The following SLC5A4 variants were observed in gnomAD, a reference collection of about 807,000 sequenced individuals.
SLC5A4 encodes probable glucose sensor protein SLC5A4.
A neutral mutation model predicts 70.3 loss-of-function variants in SLC5A4; 55 were observed. The ratio of observed to expected loss-of-function variants is 0.78; its 90% CI spans 0.63 to 0.98. SLC5A4 has a LOEUF of 0.98. Ranked by LOEUF, SLC5A4 falls within the 50% of genes least tolerant of loss-of-function variation. The pLI is 0.00. For missense variants in SLC5A4, 735 were observed against 839.2 expected (o/e 0.88, Z 1.53); for synonymous variants, 268 against 305.7 (o/e 0.88, Z 1.29).
At chr22:32,265,043 T>A in the SLC5A4 span, among the ~76,000 whole-genome samples, 3 of 152,242 alleles carry the variant, frequency 2.0e-5, no homozygotes, top group Non-Finnish European at 4.4e-5. Flanking sequence ...ATATTTCCAC[T>A]TATTGATGTA....
the SLC5A4 span, among the ~76,000 whole-genome samples, chr22:32,329,512 T>G: frequency 8.6e-6 from 1 of 115,726 alleles, no homozygotes; most frequent in Non-Finnish European, 1.8e-5. Flanking sequence ...GCAGTGGGGG[T>G]GTGTGTGTGT....
At chr22:32,242,936 G>A (rs1185731679) in intron 5 of SLC5A4, among the ~76,000 whole-genome samples, 2 of 152,150 alleles carry the variant, frequency 1.3e-5, no homozygotes, top group East Asian at 1.9e-4. Flanking sequence ...AACCATTTAT[G>A]AATGCTAAAT....
the SLC5A4 span, among the ~76,000 whole-genome samples, chr22:32,313,119 A>G: frequency 6.6e-6 from 1 of 152,238 alleles, no homozygotes; most frequent in Non-Finnish European, 1.5e-5. Context: ...TGGATAACTT[A>G]CATAGAAAAT....
the SLC5A4 span, among the ~76,000 whole-genome samples, chr22:32,316,013 A>G: frequency 2.0e-5 from 3 of 151,938 alleles, no homozygotes; most frequent in East Asian, 5.8e-4. Flanking sequence ...CTAAAAATAC[A>G]AATAAATTAG....
At chr22:32,303,530 C>T in the SLC5A4 span, among the ~76,000 whole-genome samples, 1 of 152,156 alleles carries the variant, frequency 6.6e-6, no homozygotes. Flanking sequence ...TTCTGTCTGT[C>T]CTTTGTGCAC....
the SLC5A4 span, among the ~76,000 whole-genome samples, chr22:32,306,660 CCTGCCG>C: frequency 6.6e-6 from 1 of 152,146 alleles, no homozygotes; most frequent in African/African-American, 2.4e-5. Context: ...TCCCCCAACC[CCTGCCG>C]CTGTATGCCC....
chr22:32,240,494 CTTAGAA>C (rs1397886695), intron 5 of SLC5A4, among the ~76,000 whole-genome samples: 1 of 151,846 alleles, frequency 6.6e-6, no homozygotes, highest in Non-Finnish European at 1.5e-5. Flanking sequence ...TGTATATGTT[CTTAGAA>C]TTAGTATTCT....
the SLC5A4 span, chr22:32,272,850 G>A: frequency 2.0e-6 from 1 of 512,808 alleles, no homozygotes; most frequent in Non-Finnish European, 3.8e-6. Flanking sequence ...TGCCCATGCA[G>A]GAGAAAACCT....
the SLC5A4 span, chr22:32,268,632 G>A: frequency 6.6e-6 from 1 of 152,208 alleles, no homozygotes; most frequent in Admixed American, 6.5e-5. Flanking sequence ...TGAGAAAGTA[G>A]CCATTCAAAA....
the SLC5A4 span, among the ~76,000 whole-genome samples, chr22:32,311,683 C>A: frequency 8.5e-5 from 13 of 152,142 alleles, no homozygotes; most frequent in East Asian, 2.3e-3. Context: ...TCCCCAGGGG[C>A]AGAGATGAGG....
chr22:32,331,523 C>T, the SLC5A4 span, among the ~76,000 whole-genome samples: 44 of 152,260 alleles, frequency 2.9e-4, 1 homozygote, highest in East Asian at 8.3e-3. Context: ...AATAATGACA[C>T]ACGGAAACTT....
chr22:32,302,995 G>A, the SLC5A4 span, among the ~76,000 whole-genome samples: 17 of 151,770 alleles, frequency 1.1e-4, no homozygotes, highest in East Asian at 2.3e-3. Context: ...CTTCAGCAGT[G>A]TTTTCTCTTT....
chr22:32,231,482 C>T (rs1645389875), intron 9 of SLC5A4, among the ~76,000 whole-genome samples: 1 of 152,244 alleles, frequency 6.6e-6, no homozygotes, highest in Admixed American at 6.5e-5. Flanking sequence ...TCACCTGCAT[C>T]TAAGAAGAGG....
the SLC5A4 span, among the ~76,000 whole-genome samples, chr22:32,292,129 G>GATATT: frequency 0.19 from 13,061 of 70,252 alleles, 2,182 homozygotes; most frequent in East Asian, 0.39. Context: ...ACATATACTA[G>GATATT]ATATTATATA....
At chr22:32,277,794 C>T in the SLC5A4 span, among the ~76,000 whole-genome samples, 505 of 152,260 alleles carry the variant, frequency 3.3e-3, 2 homozygotes, top group South Asian at 0.016. Context: ...ATCATCTGCC[C>T]GCCTCGGCCT....
chr22:32,329,146 C>T, the SLC5A4 span, among the ~76,000 whole-genome samples: 6 of 152,210 alleles, frequency 3.9e-5, no homozygotes, highest in African/African-American at 1.4e-4. Context: ...CTTTTTTCTG[C>T]TTCAGGGGAG....
chr22:32,242,681 C>G (rs1349979382), intron 5 of SLC5A4, among the ~76,000 whole-genome samples: 1 of 152,148 alleles, frequency 6.6e-6, no homozygotes, highest in Admixed American at 6.5e-5. Context: ...TGCACTCCAG[C>G]CTGGGCGACA....
At chr22:32,304,808 C>G in the SLC5A4 span, among the ~76,000 whole-genome samples, 3 of 151,970 alleles carry the variant, frequency 2.0e-5, no homozygotes, top group Non-Finnish European at 4.4e-5. Context: ...ATTGCCAAAC[C>G]AAGGTCATCT....
At chr22:32,336,171 A>G in the SLC5A4 span, among the ~76,000 whole-genome samples, 1 of 152,120 alleles carries the variant, frequency 6.6e-6, no homozygotes, top group Admixed American at 6.5e-5. Context: ...TTTTGGGAAC[A>G]TTACTGCCAC....
Sources: allele counts gnomAD v4.1 joint callset (sites outside exome capture counted in the v4.1 genomes callset), GRCh38; gene constraint gnomAD v4.1.1; transcripts MANE v1.5; gene names NCBI Gene and HGNC (gene_info 2026-07-23, HGNC 2026-07-21).